Variants in GATA4 observed in about 807,000 individuals in gnomAD.
GATA4 encodes the protein transcription factor GATA-4.
In GATA4, 7 loss-of-function variants were observed where a neutral mutation model predicts 37.9. That is an observed-to-expected ratio of 0.18 (90% CI 0.11 to 0.35). The LOEUF is 0.35. Ranked by LOEUF, GATA4 falls within the 10% of genes least tolerant of loss-of-function variation. GATA4 has a pLI of 1.00. For missense variants in GATA4, 647 were observed against 653.0 expected (o/e 0.99, Z 0.10); for synonymous variants, 372 against 292.6 (o/e 1.27, Z -2.77).
intron 2 of GATA4, among the ~76,000 whole-genome samples, chr8:11,720,426 G>A (rs1252600885): frequency 2.0e-5 from 3 of 152,004 alleles, no homozygotes; most frequent in African/African-American, 4.8e-5. Context: ...TGAAATCTTG[G>A]GTTTGATGGA....
intron 2 of GATA4, among the ~76,000 whole-genome samples, chr8:11,718,698 C>T (rs536033769): frequency 1.3e-5 from 2 of 152,346 alleles, no homozygotes; most frequent in African/African-American, 4.8e-5. Context: ...AAAATCTAAT[C>T]AGTCCTTAAG....
At chr8:11,693,214 C>A (rs948894747) in intron 1 of GATA4, among the ~76,000 whole-genome samples, 184 of 152,282 alleles carry the variant, frequency 1.2e-3, no homozygotes, top group African/African-American at 4.2e-3. Flanking sequence ...ATTTGTAATC[C>A]CAGCACTTAG....
At position 11,758,477 on chromosome 8, in the gene GATA4, C is replaced by G. The variant is rs759869137; in HGVS notation, c.*2C>G. On this transcript the variant is annotated 3_prime_UTR_variant, in exon 7 of 7. Transcript: ENST00000532059. ...CACGGGGACATAATCACTGCGTAAT[C>G]TTCCCTCTTCCCTCCTCAAATTCCT... The G allele has an allele frequency of 1.9e-6, 3 of 1,614,056 alleles. No homozygotes were observed. The Admixed American group carries it at 5.0e-5, about 27-fold the overall frequency.
rs537178935 is a variant in GATA4, at chr8:11,709,874, A to C, written c.616+946A>C. On this transcript the variant is annotated intron_variant, in intron 2 of 6. Transcript: ENST00000532059. This position sits in a 1 kb window ranked among gnomAD's most constrained non-coding sequence, Gnocchi z 4.3. ...GGGCCGGGGGAGAAAGGGAAGTGGC[A>C]ACCCCTAGTTCAAAATGCAAACGAC... 1.3e-4 allele frequency among the ~76,000 whole-genome samples: 20 copies of C among 152,292 alleles called. No homozygotes were observed. Among genetic ancestry groups the C allele is most frequent in the Middle Eastern group, 6.8e-3 (2 of 294 alleles).
intron 4 of GATA4, among the ~76,000 whole-genome samples, chr8:11,751,639 C>A (rs760654988): frequency 2.0e-5 from 3 of 152,206 alleles, no homozygotes; most frequent in Non-Finnish European, 2.9e-5. Context: ...TTCCCCACTT[C>A]CCCCAAATGG....
chr8:11,710,556 G>GGC (rs1026072895), intron 2 of GATA4, among the ~76,000 whole-genome samples: 13 of 151,418 alleles, frequency 8.6e-5, no homozygotes, highest in Middle Eastern at 3.4e-3. Flanking sequence ...CGGTCGTGGT[G>GGC]GCGCGCGCCT....
In GATA4 at chr8:11,693,552, C is replaced by CAG. The variant is rs1248723269; in HGVS notation, c.-729+893_-729+894insGA. ...ACACACACACACACACACACACACA[C>CAG]ACACACACACAGAGAGAGAGAGAGA... On this transcript the variant is annotated intron_variant, in intron 1 of 2. Coordinates refer to the GATA4 transcript ENST00000526974. 1.6e-3 allele frequency among the ~76,000 whole-genome samples: 191 copies of CAG among 118,242 alleles called. 1 individual carries two copies. The highest frequency in any genetic ancestry group is 8.2e-3 in the Middle Eastern group (2 of 244). 77.6% of individuals were successfully genotyped at this position (118,242 alleles called of 152,430 possible). A position where few individuals can be genotyped will look rare whatever the true frequency, so the allele number is the denominator to read the frequency against.
chr8:11,715,487 A>G (rs916430987), intron 2 of GATA4, among the ~76,000 whole-genome samples: 3 of 152,138 alleles, frequency 2.0e-5, no homozygotes, highest in Non-Finnish European at 4.4e-5. Context: ...AGTGGCTCAC[A>G]CCTGTAATCC....
upstream of GATA4, among the ~76,000 whole-genome samples, chr8:11,688,984 G>C (rs1380085237): frequency 6.6e-6 from 1 of 152,146 alleles, no homozygotes. Context: ...CAGAAAGGTC[G>C]GTTTACCTTA....
chr8:11,755,225 C>T (rs188659735), intron 5 of GATA4, 92 bp downstream of exon 5: 21 of 1,061,096 alleles, frequency 2.0e-5, no homozygotes, highest in Admixed American at 5.8e-5. Flanking sequence ...CAGGCCAGCC[C>T]GGGCCGCCAG....
At chr8:11,698,139 C>A (rs188216116) in intron 1 of GATA4, among the ~76,000 whole-genome samples, 113 of 152,358 alleles carry the variant, frequency 7.4e-4, no homozygotes, top group African/African-American at 2.6e-3. Flanking sequence ...CGCCAAGTCT[C>A]TTGACTCCCA....
intron 2 of GATA4, among the ~76,000 whole-genome samples, chr8:11,737,519 C>A (rs1203243409): frequency 6.6e-6 from 1 of 152,228 alleles, no homozygotes; most frequent in African/African-American, 2.4e-5. Flanking sequence ...TCTCCTCTGG[C>A]CAAAGCTCCA....
At position 11,686,770 on chromosome 8, in the gene GATA4, C is replaced by A. The variant is rs190447245; in HGVS notation, c.-274+9707C>A. Among the ~76,000 whole-genome samples, 111 of 152,112 alleles carry A rather than the reference C, an allele frequency of 7.3e-4. 2 individuals carry two copies. The highest frequency in any genetic ancestry group is 9.7e-5 in the African/African-American group (4 of 41,416). Reference sequence around the variant, plus strand: ...ATCCCAGCACTTTGGGAGGCCGAGGCGGTCAGATCACGAGGTCAGGAGTTC... The same window carrying A: ...ATCCCAGCACTTTGGGAGGCCGAGGAGGTCAGATCACGAGGTCAGGAGTTC... On this transcript the variant is annotated intron_variant, in intron 1 of 6. Coordinates refer to the GATA4 transcript ENST00000528712.
At chr8:11,742,690 C>T (rs905664105) in intron 2 of GATA4, among the ~76,000 whole-genome samples, 2 of 152,260 alleles carry the variant, frequency 1.3e-5, no homozygotes, top group Non-Finnish European at 2.9e-5. Context: ...CTGTCACAGG[C>T]ATCTGCCGAG....
intron 1 of GATA4, among the ~76,000 whole-genome samples, chr8:11,683,745 G>A (rs569742260): frequency 1.3e-5 from 2 of 152,256 alleles, no homozygotes; most frequent in South Asian, 2.1e-4. Flanking sequence ...CACACAAATC[G>A]GAGATGTTTG....
At chr8:11,694,535 A>C (rs1799445332) in intron 1 of GATA4, 1 of 984,664 alleles carries the variant, frequency 1.0e-6, no homozygotes, top group African/African-American at 1.7e-5. Flanking sequence ...TCTGCTGCTT[A>C]ATTAGCAAGC....
Position 11,756,807 on chromosome 8 carries a change from T to C in GATA4, c.1001-128T>C, listed in dbSNP as rs3729853. 0.65 allele frequency: 822,063 copies of C among 1,269,518 alleles called. 273,617 individuals are homozygous for C. Among genetic ancestry groups the C allele is most frequent in the East Asian group, 1 (43,141 of 43,208 alleles). 78.6% of individuals were successfully genotyped at this position (1,269,518 alleles called of 1,614,324 possible). Reference sequence around the variant, plus strand: ...CTGTAGCCCTCCGCAGATAAGGACCTCTGCTGCTGTCCCCGGCAAATGTAG... The same window carrying C: ...CTGTAGCCCTCCGCAGATAAGGACCCCTGCTGCTGTCCCCGGCAAATGTAG... On this transcript the variant is annotated intron_variant, in intron 5 of 6. Coordinates refer to ENST00000532059, the MANE Select transcript of GATA4 (RefSeq NM_001308093.3).
intron 2 of GATA4, among the ~76,000 whole-genome samples, chr8:11,728,875 G>A (rs1801069441): frequency 6.6e-6 from 1 of 152,114 alleles, no homozygotes; most frequent in Non-Finnish European, 1.5e-5. Flanking sequence ...TCTTACATAG[G>A]GGGGCACATT....
At chr8:11,698,090 G>A in intron 1 of GATA4, 1 of 839,826 alleles carries the variant, frequency 1.2e-6, no homozygotes, top group Non-Finnish European at 1.4e-6. Context: ...GCTTTCTGGC[G>A]TCCGTCCTCT....
Sources: allele counts gnomAD v4.1 joint callset (sites outside exome capture counted in the v4.1 genomes callset), GRCh38; gene constraint gnomAD v4.1.1; non-coding constraint Gnocchi (gnomAD v3.1); transcripts MANE v1.5; gene names NCBI Gene and HGNC (gene_info 2026-07-23, HGNC 2026-07-21).